XKR9: variants seen among roughly 807,000 people sequenced by gnomAD.
The protein encoded by XKR9 is XK-related protein 9.
XKR9 carries 32 observed loss-of-function variants against 32.0 expected under a neutral mutation model. The observed-to-expected ratio is 1.00, with a 90% CI of 0.76 to 1.34. XKR9 has a LOEUF of 1.34. Ranked by LOEUF, XKR9 falls within the 40% of genes most tolerant of loss-of-function variation. The pLI, the probability that XKR9 is intolerant of heterozygous loss-of-function variation, is 0.00. For missense variants in XKR9, 546 were observed against 429.7 expected (o/e 1.27, Z -2.39); for synonymous variants, 168 against 143.4 (o/e 1.17, Z -1.22).
At chr8:71,002,326 T>G in the XKR9 span, among the ~76,000 whole-genome samples, 2 of 79,832 alleles carry the variant, frequency 2.5e-5, no homozygotes, top group Non-Finnish European at 7.9e-5. Flanking sequence ...CAAATAATTT[T>G]AATCTAATTT....
In XKR9 at chr8:70,698,702, C is replaced by T. The variant is rs1432989111; in HGVS notation, c.273-8231C>T. ...GAGTTCTGTAGATGTCTATTAGGTC[C>T]GCTTGGTGCAGAGCTGAGTTCAATT... On this transcript the variant is annotated intron_variant, in intron 3 of 4. Coordinates refer to ENST00000408926, the MANE Select transcript of XKR9 (RefSeq NM_001011720.2). 4.0e-4 allele frequency among the ~76,000 whole-genome samples: 61 copies of T among 152,100 alleles called. No individual in the cohort carries two copies. In the South Asian group the frequency reaches 1.0e-2, roughly 25 times the overall value.
the XKR9 span, among the ~76,000 whole-genome samples, chr8:70,797,403 G>T: frequency 1.3e-5 from 2 of 152,048 alleles, no homozygotes; most frequent in African/African-American, 4.8e-5. Flanking sequence ...ACTTGGATTT[G>T]CATGTGGATT....
chr8:70,748,194 C>T (rs1271317074), intron 2 of XKR9, among the ~76,000 whole-genome samples: 1 of 152,190 alleles, frequency 6.6e-6, no homozygotes, highest in Non-Finnish European at 1.5e-5. Flanking sequence ...GCTGGGGCTG[C>T]CCTGTTCTGC....
At chr8:71,025,075 C>T in the XKR9 span, among the ~76,000 whole-genome samples, 1 of 152,184 alleles carries the variant, frequency 6.6e-6, no homozygotes, top group Non-Finnish European at 1.5e-5. Context: ...TAAGCACTTT[C>T]AATAACCCTA....
intron 3 of XKR9, among the ~76,000 whole-genome samples, chr8:70,696,498 T>C (rs1424533349): frequency 6.7e-5 from 10 of 150,020 alleles, no homozygotes; most frequent in Non-Finnish European, 1.2e-4. Flanking sequence ...GTTGTAGATA[T>C]GCGGCGTTAT....
chr8:70,936,625 A>C, the XKR9 span, among the ~76,000 whole-genome samples: 1 of 152,010 alleles, frequency 6.6e-6, no homozygotes, highest in Non-Finnish European at 1.5e-5. Flanking sequence ...ATTGTTTCTA[A>C]ATGCGATGAC....
chr8:70,992,553 G>T, the XKR9 span, among the ~76,000 whole-genome samples: 1 of 152,144 alleles, frequency 6.6e-6, no homozygotes, highest in Non-Finnish European at 1.5e-5. Context: ...GCTTTGCCTG[G>T]CTTTGTGAGA....
rs767194381 is a variant in XKR9, at chr8:70,734,147, A to G, written c.845A>G (p.Asn282Ser). 1 of 1,612,654 alleles carries G rather than the reference A, an allele frequency of 6.2e-7. No individual in the cohort carries two copies. Among genetic ancestry groups the G allele is most frequent in the Admixed American group, 1.7e-5 (1 of 59,924 alleles). ...ACATTTTTTAATATTAAGGGACAGAATACCAAGTGTCCAATGTCTTGTTAT... is the reference window on the plus strand; with the variant it reads ...ACATTTTTTAATATTAAGGGACAGAGTACCAAGTGTCCAATGTCTTGTTAT... ...IFTFFNIKGQ[N>S]TKCPMSCYYI... The change falls in exon 5 of 5, where the codon AAT (asparagine) becomes AGT (serine). Residue 282 changes from asparagine (N) to serine (S), a missense_variant. Asn to Ser is a conservative substitution (Grantham distance 46, BLOSUM62 1). Coordinates refer to ENST00000408926, the MANE Select transcript of XKR9 (RefSeq NM_001011720.2).
At chr8:71,032,248 C>T in the XKR9 span, among the ~76,000 whole-genome samples, 1 of 139,688 alleles carries the variant, frequency 7.2e-6, no homozygotes, top group Non-Finnish European at 1.5e-5. Flanking sequence ...CACACCACTG[C>T]ACTCCAGCCT....
At chr8:70,892,400 C>CT in the XKR9 span, among the ~76,000 whole-genome samples, 1 of 151,896 alleles carries the variant, frequency 6.6e-6, no homozygotes, top group African/African-American at 2.4e-5. Flanking sequence ...TGATTATTTT[C>CT]TTTTTTCCTT....
the XKR9 span, among the ~76,000 whole-genome samples, chr8:70,918,684 C>G: frequency 6.6e-6 from 1 of 150,974 alleles, no homozygotes; most frequent in Non-Finnish European, 1.5e-5. Context: ...CAGAGCAAGA[C>G]TCTGTCTCAG....
chr8:70,694,004 T>C (rs1033830020), intron 3 of XKR9, among the ~76,000 whole-genome samples: 1 of 152,150 alleles, frequency 6.6e-6, no homozygotes, highest in African/African-American at 2.4e-5. Flanking sequence ...CTGGAGGACC[T>C]GCCCAGTGAG....
chr8:70,914,277 A>C, the XKR9 span, among the ~76,000 whole-genome samples: 1 of 152,298 alleles, frequency 6.6e-6, no homozygotes, highest in East Asian at 1.9e-4. Flanking sequence ...TCTGCATCAT[A>C]GCAGATACAT....
At chr8:70,755,012 C>T (rs1807198914) in intron 2 of XKR9, among the ~76,000 whole-genome samples, 1 of 151,822 alleles carries the variant, frequency 6.6e-6, no homozygotes, top group Non-Finnish European at 1.5e-5. Flanking sequence ...GCAACCTACT[C>T]ATCTGACAAA....
rs183225599 is a variant in XKR9 at position 70,700,185 on chromosome 8, C to G, written c.273-6748C>G. Among the ~76,000 whole-genome samples, 985 of 152,322 alleles carry G rather than the reference C, an allele frequency of 6.5e-3. 11 individuals are homozygous for G. Among genetic ancestry groups the G allele is most frequent in the African/African-American group, 0.022 (921 of 41,574 alleles). On this transcript the variant is annotated intron_variant, in intron 3 of 4. Coordinates refer to ENST00000408926, the MANE Select transcript of XKR9 (RefSeq NM_001011720.2). ...CTGAAGCCTTCTTCTCTCAACTCGT[C>G]AAAGTCATTCTCTGTCCAGCTTTGT...
intron 4 of XKR9, among the ~76,000 whole-genome samples, chr8:70,711,631 G>T (rs1335051204): frequency 6.6e-6 from 1 of 151,170 alleles, no homozygotes; most frequent in Non-Finnish European, 1.5e-5. Flanking sequence ...ACTTGAGGAT[G>T]CAGGGTGGGA....
At chr8:70,980,575 C>A in the XKR9 span, among the ~76,000 whole-genome samples, 1 of 152,198 alleles carries the variant, frequency 6.6e-6, no homozygotes, top group Non-Finnish European at 1.5e-5. Flanking sequence ...GAATTCTTAT[C>A]CATTCTGCCA....
At chr8:71,020,798 A>G in the XKR9 span, among the ~76,000 whole-genome samples, 2 of 152,230 alleles carry the variant, frequency 1.3e-5, no homozygotes, top group Non-Finnish European at 2.9e-5. Context: ...TTTGAAATAT[A>G]TGATACATTG....
downstream of XKR9, among the ~76,000 whole-genome samples, chr8:70,794,740 T>C (rs1807806758): frequency 6.6e-6 from 1 of 151,846 alleles, no homozygotes; most frequent in Non-Finnish European, 1.5e-5. Context: ...TACTCCTTTT[T>C]ATTTTGTTTG....
Sources: gnomAD v4.1 joint callset for allele counts (sites outside exome capture counted in the v4.1 genomes callset) on GRCh38, gnomAD v4.1.1 for gene constraint, MANE v1.5 for transcripts, NCBI Gene and HGNC (gene_info 2026-07-23, HGNC 2026-07-21) for gene names.